Variants in ABCC11 observed in about 807,000 individuals in gnomAD.
ABCC11 encodes the protein ATP-binding cassette sub-family C member 11.
ABCC11 carries 135 observed loss-of-function variants against 149.3 expected under a neutral mutation model. The ratio of observed to expected loss-of-function variants is 0.90; its 90% CI spans 0.79 to 1.04. The LOEUF (loss-of-function observed/expected upper bound fraction) is 1.04. ABCC11 is among the 50% of genes least tolerant of loss of function. The probability of loss-of-function intolerance (pLI) is 0.00; values close to 1 mark genes in which losing one functional copy is unlikely to be tolerated. For synonymous variants in ABCC11, 665 were observed against 671.4 expected (o/e 0.99, Z 0.15); for missense variants, 1,680 against 1,722.1 (o/e 0.98, Z 0.43).
chr16:48,187,179 C>T (rs1446741146), intron 21 of ABCC11, 22 bp downstream of exon 21: 1 of 1,613,400 alleles, frequency 6.2e-7, no homozygotes, highest in Non-Finnish European at 8.5e-7. Flanking sequence ...CCCCAAGTCA[C>T]AAGCAAAAAG....
chr16:48,214,084 T>C (rs1389308771), intron 9 of ABCC11, among the ~76,000 whole-genome samples: 1 of 152,138 alleles, frequency 6.6e-6, no homozygotes, highest in East Asian at 1.9e-4. Context: ...GGTGCCCTCC[T>C]GGAGGTGCCG....
At chr16:48,189,720 C>G (rs373101968) in intron 20 of ABCC11, among the ~76,000 whole-genome samples, 3 of 152,192 alleles carry the variant, frequency 2.0e-5, no homozygotes, top group East Asian at 3.9e-4. Flanking sequence ...AGGGCCACCC[C>G]CAGAGGCCGG....
At chr16:48,244,023 T>TAAATAAATAAA (rs1971172851) in intron 1 of ABCC11, among the ~76,000 whole-genome samples, 5 of 131,944 alleles carry the variant, frequency 3.8e-5, no homozygotes, top group Non-Finnish European at 6.6e-5. Flanking sequence ...AAATAAATAA[T>TAAATAAATAAA]TAGTTCGAAT....
chr16:48,167,668 A>C lies in ABCC11; in HGVS notation c.3892-8T>G. The C allele has an allele frequency of 1.2e-6, 2 of 1,614,056 alleles. No individual in the cohort carries two copies. Among genetic ancestry groups the C allele is most frequent in the Non-Finnish European group, 1.7e-6 (2 of 1,179,970 alleles). Reference sequence around the variant, plus strand: ...TTCATCGATAAGGATGATCTGATGAATACAAAACAGGGGTGAAGGTGTCTA... The same window carrying C: ...TTCATCGATAAGGATGATCTGATGACTACAAAACAGGGGTGAAGGTGTCTA... On this transcript the variant is annotated splice_region_variant and splice_polypyrimidine_tract_variant and intron_variant, in intron 28 of 29. Transcript: ENST00000356608.
At chr16:48,223,760 G>A (rs1172306617) in intron 5 of ABCC11, 1 of 152,522 alleles carries the variant, frequency 6.6e-6, no homozygotes, top group African/African-American at 2.4e-5. Flanking sequence ...AGAATGATGG[G>A]AAATAGAGCA....
At chr16:48,165,341 AAGG>A (rs1488510233), downstream of ABCC11, among the ~76,000 whole-genome samples, 1 of 152,204 alleles carries the variant, frequency 6.6e-6, no homozygotes, top group Admixed American at 6.5e-5. Context: ...AACCCCCTAG[AAGG>A]AGAAGCAGGT....
At chr16:48,211,616 G>A (rs764482445) in intron 10 of ABCC11, among the ~76,000 whole-genome samples, 2 of 152,168 alleles carry the variant, frequency 1.3e-5, no homozygotes, top group South Asian at 2.1e-4. Flanking sequence ...AGGCCAAGTC[G>A]GGGGATTGCT....
chr16:48,215,140 G>C, intron 8 of ABCC11, 57 bp downstream of exon 8: 1 of 1,593,518 alleles, frequency 6.3e-7, no homozygotes, highest in Non-Finnish European at 8.6e-7. Flanking sequence ...GAGGTGAGAG[G>C]GGCTCGGCTT....
chr16:48,168,579 C>T lies in ABCC11; in HGVS notation c.3892-919G>A, dbSNP rs1427496442. Reference sequence around the variant, plus strand: ...ATGTGTGTACATGTGTGTCTTGCCTCGCCTACGTAGGAGAAGGTTTGCCCC... The same window carrying T: ...ATGTGTGTACATGTGTGTCTTGCCTTGCCTACGTAGGAGAAGGTTTGCCCC... On this transcript the variant is annotated intron_variant, in intron 28 of 29. Coordinates refer to ENST00000356608, the MANE Select transcript of ABCC11 (RefSeq NM_001370497.1). Among the ~76,000 whole-genome samples the T allele has an allele frequency of 4.6e-5, 7 of 152,250 alleles. No homozygotes were observed. The East Asian group carries it at 5.8e-4, about 13-fold the overall frequency.
intron 15 of ABCC11, among the ~76,000 whole-genome samples, chr16:48,199,810 G>A (rs1415760883): frequency 6.6e-6 from 1 of 150,576 alleles, no homozygotes; most frequent in Non-Finnish European, 1.5e-5. Context: ...CAGTAGCTGG[G>A]ACCACAGATG....
chr16:48,222,856 C>G, intron 5 of ABCC11, 25 bp from the exon 6 acceptor site: 1 of 1,570,640 alleles, frequency 6.4e-7, no homozygotes, highest in Non-Finnish European at 8.7e-7. Context: ...GAGTTTGGAT[C>G]ATTCAGACCA....
chr16:48,224,235 C>T, intron 5 of ABCC11, 47 bp downstream of exon 5: 1 of 1,593,440 alleles, frequency 6.3e-7, no homozygotes, highest in South Asian at 1.1e-5. Flanking sequence ...CATCGCTAAA[C>T]CTCTGAAGCC....
intron 4 of ABCC11, among the ~76,000 whole-genome samples, chr16:48,226,965 A>C (rs1456688428): frequency 6.6e-6 from 1 of 152,174 alleles, no homozygotes; most frequent in Non-Finnish European, 1.5e-5. Flanking sequence ...TAGGAACATG[A>C]ATACAGGATC....
chr16:48,201,348 A>T (rs1457884808), intron 14 of ABCC11, among the ~76,000 whole-genome samples: 1 of 151,956 alleles, frequency 6.6e-6, no homozygotes, highest in African/African-American at 2.4e-5. Context: ...ACCAGCAATC[A>T]TGGCTTACTG....
At chr16:48,212,156 C>T (rs940103390) in intron 10 of ABCC11, among the ~76,000 whole-genome samples, 17 of 152,192 alleles carry the variant, frequency 1.1e-4, no homozygotes, top group African/African-American at 3.9e-4. Flanking sequence ...TGGTGATAAG[C>T]AAAGCACTGT....
At chr16:48,185,378 T>C (rs752969476) in intron 22 of ABCC11, among the ~76,000 whole-genome samples, 1 of 152,206 alleles carries the variant, frequency 6.6e-6, no homozygotes, top group Non-Finnish European at 1.5e-5. Flanking sequence ...CATTAGTTTT[T>C]TCTGTCACTT....
intron 9 of ABCC11, 143 bp from the exon 10 acceptor site, chr16:48,213,693 A>G (rs1294170464): frequency 3.3e-6 from 2 of 609,876 alleles, no homozygotes; most frequent in Non-Finnish European, 5.5e-6. Flanking sequence ...TGTTTGGAGG[A>G]GACTGGAAAA....
intron 1 of ABCC11, among the ~76,000 whole-genome samples, chr16:48,243,102 T>TA (rs56708623): frequency 1.8e-3 from 258 of 142,912 alleles, no homozygotes; most frequent in Middle Eastern, 3.6e-3. Flanking sequence ...ATCAAGGTTG[T>TA]AAAAAAAAAA....
chr16:48,246,035 A>G (rs1832697927), intron 1 of ABCC11, among the ~76,000 whole-genome samples: 1 of 152,056 alleles, frequency 6.6e-6, no homozygotes, highest in African/African-American at 2.4e-5. Flanking sequence ...TTTTTCCTCA[A>G]AATCTTGTGA....
Sources: gnomAD v4.1 joint callset for allele counts (sites outside exome capture counted in the v4.1 genomes callset) on GRCh38, gnomAD v4.1.1 for gene constraint, MANE v1.5 for transcripts, NCBI Gene and HGNC (gene_info 2026-07-23, HGNC 2026-07-21) for gene names.